The following TRIM38 variants were observed in gnomAD, a reference collection of about 807,000 sequenced individuals.
TRIM38 encodes tripartite motif containing 38, also known as E3 ubiquitin-protein ligase TRIM38.
TRIM38 carries 35 observed loss-of-function variants against 35.8 expected under a neutral mutation model. The observed-to-expected ratio is 0.98, with a 90% CI of 0.75 to 1.30. The LOEUF is 1.30. TRIM38 is among the 50% of genes most tolerant of loss of function. The pLI is 0.00. For synonymous variants in TRIM38, 198 were observed against 204.7 expected (o/e 0.97, Z 0.28); for missense variants, 545 against 556.9 (o/e 0.98, Z 0.21).
chr6:25,969,969 G>T (rs1174248809), intron 4 of TRIM38, among the ~76,000 whole-genome samples: 1 of 152,102 alleles, frequency 6.6e-6, no homozygotes, highest in African/African-American at 2.4e-5. Flanking sequence ...TCTTGCTGGA[G>T]TGTAGTGGTG....
chr6:25,982,542 C>T (rs1581610708), intron 7 of TRIM38, among the ~76,000 whole-genome samples: 1 of 152,150 alleles, frequency 6.6e-6, no homozygotes, highest in African/African-American at 2.4e-5. Flanking sequence ...TTTGTAGCCC[C>T]CACGGCCTGG....
At position 25,983,689 on chromosome 6, in the gene TRIM38, G is replaced by A. The variant is rs1461992745; in HGVS notation, c.*2G>A. 7.0e-6 allele frequency: 11 copies of A among 1,565,126 alleles called. No homozygotes were observed. The highest frequency in any genetic ancestry group is 9.5e-6 in the Non-Finnish European group (11 of 1,160,324). Reference sequence around the variant, plus strand: ...TTTCTGCCTCCCCCAGGTGACTAAGGAAAAGAGCAGAAGCTCCTTGGTTTA... The same window carrying A: ...TTTCTGCCTCCCCCAGGTGACTAAGAAAAAGAGCAGAAGCTCCTTGGTTTA... On this transcript the variant is annotated 3_prime_UTR_variant, in exon 8 of 8. Coordinates refer to ENST00000357085, the MANE Select transcript of TRIM38 (RefSeq NM_006355.5).
rs1760737870 is a variant in TRIM38 at position 25,987,232 on chromosome 6, C to A, written c.*3545C>A. ...CCCCCCGCCCGCCACACACCATCCCCAAAAGGAAATTTCTAATCCAATTAA... is the reference window on the plus strand; with the variant it reads ...CCCCCCGCCCGCCACACACCATCCCAAAAAGGAAATTTCTAATCCAATTAA... On this transcript the variant is annotated 3_prime_UTR_variant, in exon 8 of 8. Coordinates refer to ENST00000357085, the MANE Select transcript of TRIM38 (RefSeq NM_006355.5). The A allele has an allele frequency of 6.8e-6, 1 of 147,176 alleles. No homozygotes were observed. The highest frequency in any genetic ancestry group is 2.5e-5 in the African/African-American group (1 of 40,002). The allele number at this position is 147,176 out of a possible 1,614,324, so 9.1% of individuals were successfully genotyped here. A position where few individuals can be genotyped will look rare whatever the true frequency, so the allele number is the denominator to read the frequency against.
chr6:25,971,367 TCTTC>T (rs779932000), intron 4 of TRIM38, among the ~76,000 whole-genome samples: 1 of 152,214 alleles, frequency 6.6e-6, no homozygotes, highest in African/African-American at 2.4e-5. Flanking sequence ...CTGGGGACAT[TCTTC>T]CAGCTTCAGT....
rs1335324673 is a variant in TRIM38 at position 25,990,859 on chromosome 6, T to TA, written c.*7173dup. On this transcript the variant is annotated 3_prime_UTR_variant, in exon 8 of 8. Transcript: ENST00000357085. ...ATTTCACACCAGGCCATCACTGTGA[T>TA]ACATTTTTTAAAACACATTAAATTA... The TA allele has an allele frequency of 6.6e-6, 1 of 152,212 alleles. No homozygotes were observed. Among genetic ancestry groups the TA allele is most frequent in the Non-Finnish European group, 1.5e-5 (1 of 68,040 alleles). The allele number at this position is 152,212 out of a possible 1,614,324, so 9.4% of individuals were successfully genotyped here.
Position 25,983,421 on chromosome 6 carries a change from C to A in TRIM38, c.1132C>A (p.Pro378Thr). Residue 378 changes from proline (P) to threonine (T), a missense_variant, in exon 8 of 8, where the codon CCT (proline) becomes ACT (threonine). By Grantham distance (38) the Pro-to-Thr change is conservative (BLOSUM62 -1). Coordinates refer to ENST00000357085, the MANE Select transcript of TRIM38 (RefSeq NM_006355.5). ...GAGGGGCACTGGCATGAAGCAAGAGCCTCAGTCTGGATTCTGGACCCTCAG... is the reference window on the plus strand; with the variant it reads ...GAGGGGCACTGGCATGAAGCAAGAGACTCAGTCTGGATTCTGGACCCTCAG... The part of the protein sequence containing the change: ...VQRGTGMKQE[P>T]QSGFWTLRLC... The A allele has an allele frequency of 6.2e-7, 1 of 1,614,136 alleles. No homozygotes were observed. Among genetic ancestry groups the A allele is most frequent in the African/African-American group, 1.3e-5 (1 of 75,030 alleles).
chr6:25,975,242 C>T (rs1760357610), intron 7 of TRIM38: 1 of 590,212 alleles, frequency 1.7e-6, no homozygotes, highest in Non-Finnish European at 2.1e-6. Context: ...GATGGAGTCT[C>T]GCTGTTACCC....
chr6:25,977,500 T>C (rs538932517), intron 7 of TRIM38, among the ~76,000 whole-genome samples: 89 of 152,238 alleles, frequency 5.8e-4, no homozygotes, highest in African/African-American at 2.0e-3. Flanking sequence ...TGAAACCCTA[T>C]CTCTACTAAA....
chr6:25,975,513 G>A (rs910410583), intron 7 of TRIM38: 1 of 741,700 alleles, frequency 1.3e-6, no homozygotes, highest in East Asian at 1.3e-4. Context: ...TATTACAAAA[G>A]TGATAGGAAT....
rs747739957 is a variant in TRIM38 at position 25,973,285 on chromosome 6, G to C, written c.874G>C (p.Val292Leu). The C allele has an allele frequency of 6.2e-7, 1 of 1,612,920 alleles. No individual in the cohort carries two copies. The highest frequency in any genetic ancestry group is 8.5e-7 in the Non-Finnish European group (1 of 1,179,856). The part of the protein sequence containing the change: ...DVKKMLRSHQ[V>L]SVTLDPDTAH... ...GAAGAAAATGTTAAGGAGTCATCAA[G>C]GTATGTTCACTAAAGAATTCCTGAA... The change falls in exon 7 of 8, where the codon GTT (valine) becomes CTT (leucine). Residue 292 changes from valine (V) to leucine (L), a missense_variant and splice_region_variant. By Grantham distance (32) the Val-to-Leu change is conservative. Coordinates refer to ENST00000357085, the MANE Select transcript of TRIM38 (RefSeq NM_006355.5).
intron 7 of TRIM38, among the ~76,000 whole-genome samples, chr6:25,981,672 G>A (rs1760548984): frequency 6.6e-6 from 1 of 152,202 alleles, no homozygotes; most frequent in East Asian, 1.9e-4. Context: ...AGGGGAAAGA[G>A]AAGAGCTTAC....
intron 7 of TRIM38, among the ~76,000 whole-genome samples, chr6:25,981,205 G>A (rs1760535607): frequency 6.6e-6 from 1 of 152,172 alleles, no homozygotes; most frequent in African/African-American, 2.4e-5. Context: ...ATCATAGCGT[G>A]GGACTGGGGT....
At chr6:25,979,830 G>A (rs1266154366) in intron 7 of TRIM38, among the ~76,000 whole-genome samples, 1 of 151,758 alleles carries the variant, frequency 6.6e-6, no homozygotes, top group Non-Finnish European at 1.5e-5. Flanking sequence ...AGCATTTAAA[G>A]CCTACAAATT....
intron 2 of TRIM38, among the ~76,000 whole-genome samples, chr6:25,965,102 C>T (rs1442050527): frequency 2.6e-5 from 4 of 152,296 alleles, no homozygotes; most frequent in South Asian, 4.1e-4. Flanking sequence ...CGTGAGCCAC[C>T]GTGCTGGCCT....
chr6:25,969,872 A>G (rs1208975817), intron 4 of TRIM38, among the ~76,000 whole-genome samples: 1 of 152,172 alleles, frequency 6.6e-6, no homozygotes, highest in Non-Finnish European at 1.5e-5. Flanking sequence ...ATTGAAATTC[A>G]TACTACTCTA....
At chr6:25,981,160 G>GT (rs1269303933) in intron 7 of TRIM38, among the ~76,000 whole-genome samples, 1 of 152,226 alleles carries the variant, frequency 6.6e-6, no homozygotes, top group African/African-American at 2.4e-5. Flanking sequence ...CTATACTAGA[G>GT]TGTGCCCAGA....
chr6:25,980,174 G>A (rs990540827), intron 7 of TRIM38, among the ~76,000 whole-genome samples: 2 of 152,090 alleles, frequency 1.3e-5, no homozygotes, highest in African/African-American at 4.8e-5. Flanking sequence ...CTATGAGATT[G>A]CGCTTCTTAG....
Position 25,988,790 on chromosome 6 carries a change from C to T in TRIM38, c.*5103C>T, listed in dbSNP as rs187862362. 1 of 152,284 alleles carries T rather than the reference C, an allele frequency of 6.6e-6. No individual in the cohort carries two copies. The highest frequency in any genetic ancestry group is 1.9e-4 in the East Asian group (1 of 5,188). 9.4% of individuals were successfully genotyped at this position (152,284 alleles called of 1,614,324 possible). A position where few individuals can be genotyped will look rare whatever the true frequency, so the allele number is the denominator to read the frequency against. On this transcript the variant is annotated 3_prime_UTR_variant, in exon 8 of 8. Coordinates refer to ENST00000357085, the MANE Select transcript of TRIM38 (RefSeq NM_006355.5). ...AACATTCCATTATTCAGAAGTACCACAGTTATCCACTTACCTACTGAAAGA... is the reference window on the plus strand; with the variant it reads ...AACATTCCATTATTCAGAAGTACCATAGTTATCCACTTACCTACTGAAAGA...
rs1275591851 is a variant in TRIM38 at position 25,988,418 on chromosome 6, C to T, written c.*4731C>T. 3 of 150,680 alleles carry T rather than the reference C, an allele frequency of 2.0e-5. No homozygotes were observed. Among genetic ancestry groups the T allele is most frequent in the Non-Finnish European group, 3.0e-5 (2 of 67,682 alleles). The allele number at this position is 150,680 out of a possible 1,614,324, so 9.3% of individuals were successfully genotyped here. On this transcript the variant is annotated 3_prime_UTR_variant, in exon 8 of 8. Transcript: ENST00000357085. ...TCTTTTCAGGTTGGCTTTTTAGTAA[C>T]ATACATTTAAGTTTCCTTCATGTGT...
Sources: gnomAD v4.1 joint callset for allele counts (sites outside exome capture counted in the v4.1 genomes callset) on GRCh38, gnomAD v4.1.1 for gene constraint, MANE v1.5 for transcripts, NCBI Gene and HGNC (gene_info 2026-07-23, HGNC 2026-07-21) for gene names.